PCDHA11: variants seen among roughly 807,000 people sequenced by gnomAD.
The protein encoded by PCDHA11 is protocadherin alpha-11.
In PCDHA11, 61 loss-of-function variants were observed where a neutral mutation model predicts 70.3. The observed-to-expected ratio is 0.87, with a 90% CI of 0.71 to 1.07. PCDHA11 has a LOEUF of 1.07. Ranked by LOEUF, PCDHA11 falls within the 50% of genes least tolerant of loss-of-function variation. The pLI, the probability that PCDHA11 is intolerant of heterozygous loss-of-function variation, is 0.00. For missense variants in PCDHA11, 1,324 were observed against 1,237.5 expected (o/e 1.07, Z -1.05); for synonymous variants, 633 against 555.1 (o/e 1.14, Z -1.97).
chr5:140,985,739 CTTTTTTTTT>C (rs11372071), intron 3 of PCDHA11, among the ~76,000 whole-genome samples: 4 of 117,922 alleles, frequency 3.4e-5, no homozygotes, highest in African/African-American at 3.2e-5. Flanking sequence ...TGATGAATTC[CTTTTTTTTT>C]TTTTTTTTTT....
intron 1 of PCDHA11, chr5:140,966,397 G>C (rs782390663): frequency 4.5e-5 from 18 of 404,120 alleles, no homozygotes; most frequent in Admixed American, 2.2e-4. Flanking sequence ...CCGCCACTTC[G>C]GCGCGGAATC....
At chr5:140,928,489 C>A in intron 1 of PCDHA11, 1 of 1,614,152 alleles carries the variant, frequency 6.2e-7, no homozygotes. Context: ...TGGTGGCATT[C>A]CTCCCAGAAG....
intron 1 of PCDHA11, chr5:140,875,770 G>A: frequency 1.2e-6 from 2 of 1,614,230 alleles, no homozygotes; most frequent in East Asian, 2.2e-5. Flanking sequence ...CGGGCGGAGC[G>A]CGGAGTGCAG....
chr5:140,876,954 G>T (rs1554169149), intron 1 of PCDHA11: 1 of 1,613,432 alleles, frequency 6.2e-7, no homozygotes, highest in Non-Finnish European at 8.5e-7. Context: ...CCTACTCGCT[G>T]GTGGAGCGGC....
At chr5:140,926,554 G>A (rs2083344574) in intron 1 of PCDHA11, 1 of 237,224 alleles carries the variant, frequency 4.2e-6, no homozygotes, top group Non-Finnish European at 8.0e-6. Context: ...CGAGACCCCA[G>A]CCCGCTGCTA....
chr5:141,005,666 C>T (rs1304126376), intron 3 of PCDHA11, among the ~76,000 whole-genome samples: 2 of 130,134 alleles, frequency 1.5e-5, no homozygotes, highest in Non-Finnish European at 3.1e-5. Context: ...CGCGCCACTG[C>T]ACTCCAGCCT....
At chr5:140,966,695 C>A in intron 1 of PCDHA11, 1 of 1,358,486 alleles carries the variant, frequency 7.4e-7, no homozygotes, top group Non-Finnish European at 9.5e-7. Flanking sequence ...AGGCGGGGCC[C>A]GGGCGTGGGG....
chr5:140,950,919 T>TCCACA (rs1554219687), intron 1 of PCDHA11, among the ~76,000 whole-genome samples: 4 of 152,198 alleles, frequency 2.6e-5, no homozygotes, highest in African/African-American at 9.6e-5. Context: ...TTTATTTCAG[T>TCCACA]TCTTTTTCTT....
At position 140,927,139 on chromosome 5, in the gene PCDHA11, C is replaced by G. The variant is rs782726149; in HGVS notation, c.2392-51810C>G. 6 of 1,613,928 alleles carry G rather than the reference C, an allele frequency of 3.7e-6. No homozygotes were observed. The Admixed American group carries it at 5.0e-5, about 13-fold the overall frequency. On this transcript the variant is annotated intron_variant, in intron 1 of 3. Coordinates refer to ENST00000398640, the MANE Select transcript of PCDHA11 (RefSeq NM_018902.5). Reference sequence around the variant, plus strand: ...TTTGGTGGTCAGAGAGCCGGCGGACCGCGAACAGCTGTGCAGGGCCAAAGC... The same window carrying G: ...TTTGGTGGTCAGAGAGCCGGCGGACGGCGAACAGCTGTGCAGGGCCAAAGC...
intron 3 of PCDHA11, among the ~76,000 whole-genome samples, chr5:141,008,567 T>C (rs1171779674): frequency 1.3e-5 from 2 of 152,182 alleles, no homozygotes; most frequent in African/African-American, 4.8e-5. Flanking sequence ...TGCATAATCA[T>C]TTTCCCAAGA....
chr5:140,915,957 T>G (rs1476969057), intron 1 of PCDHA11, among the ~76,000 whole-genome samples: 4 of 151,934 alleles, frequency 2.6e-5, no homozygotes, highest in African/African-American at 4.8e-5. Flanking sequence ...TACTTAGAAA[T>G]TTGCCTGATA....
chr5:140,944,743 T>A (rs1307968034), intron 1 of PCDHA11, among the ~76,000 whole-genome samples: 2 of 152,238 alleles, frequency 1.3e-5, no homozygotes, highest in East Asian at 3.8e-4. Flanking sequence ...TCTGAGCATT[T>A]ACATGGAAAA....
intron 1 of PCDHA11, chr5:140,876,598 G>T: frequency 6.2e-7 from 1 of 1,614,168 alleles, no homozygotes; most frequent in Non-Finnish European, 8.5e-7. Flanking sequence ...TAGCGTGTCG[G>T]ATCGTGACTC....
rs782761361 is a variant in PCDHA11, at chr5:140,927,794, C to T, written c.2392-51155C>T. 1.2e-5 allele frequency: 20 copies of T among 1,614,154 alleles called. No individual in the cohort carries two copies. In the South Asian group the frequency reaches 1.6e-4, roughly 13 times the overall value. Reference sequence around the variant, plus strand: ...GTGCAAGTAGCTGCTTCACTAGGTCCGCCTGAAACGCTCTTGGAGGCATAC... The same window carrying T: ...GTGCAAGTAGCTGCTTCACTAGGTCTGCCTGAAACGCTCTTGGAGGCATAC... On this transcript the variant is annotated intron_variant, in intron 1 of 3. Coordinates refer to ENST00000398640, the MANE Select transcript of PCDHA11 (RefSeq NM_018902.5).
In PCDHA11 at chr5:140,882,891, A is replaced by T. The variant is rs782750187; in HGVS notation, c.2391+11397A>T. 1 of 1,614,230 alleles carries T rather than the reference A, an allele frequency of 6.2e-7. No individual in the cohort carries two copies. The highest frequency in any genetic ancestry group is 8.5e-7 in the Non-Finnish European group (1 of 1,180,042). On this transcript the variant is annotated intron_variant, in intron 1 of 3. Transcript: ENST00000398640. ...CTGGACAGAGAGGAAATTCAGGAAC[A>T]TAGTTTATTACTGACAGCCAGTGAT...
Position 141,004,377 on chromosome 5 carries a change from C to T in PCDHA11, c.2540-5250C>T, listed in dbSNP as rs567018582. Among the ~76,000 whole-genome samples the T allele has an allele frequency of 3.9e-5, 6 of 152,294 alleles. No homozygotes were observed. The South Asian group carries it at 6.2e-4, about 16-fold the overall frequency. ...AGAGACCACACCTTGTTCTGCTCTG[C>T]GGAAGCTGGACATGTGGAGGAGGCA... On this transcript the variant is annotated intron_variant, in intron 3 of 3. Coordinates refer to ENST00000398640, the MANE Select transcript of PCDHA11 (RefSeq NM_018902.5).
At chr5:140,901,906 G>T (rs1275600408) in intron 1 of PCDHA11, among the ~76,000 whole-genome samples, 1 of 151,902 alleles carries the variant, frequency 6.6e-6, no homozygotes, top group Non-Finnish European at 1.5e-5. Context: ...TCATTGTGGA[G>T]ATCTTTCACT....
At chr5:140,878,562 T>C (rs2057643889) in intron 1 of PCDHA11, among the ~76,000 whole-genome samples, 1 of 152,210 alleles carries the variant, frequency 6.6e-6, no homozygotes, top group Non-Finnish European at 1.5e-5. Context: ...CCCAAACTTA[T>C]CATAGTATAC....
At chr5:140,948,903 CTTAGGTAACTGA>C (rs1213410342) in intron 1 of PCDHA11, among the ~76,000 whole-genome samples, 1 of 151,196 alleles carries the variant, frequency 6.6e-6, no homozygotes, top group Non-Finnish European at 1.5e-5. Context: ...TAAGTGGATT[CTTAGGTAACTGA>C]TTAGGTAACT....
Sources: allele counts gnomAD v4.1 joint callset (sites outside exome capture counted in the v4.1 genomes callset), GRCh38; gene constraint gnomAD v4.1.1; transcripts MANE v1.5; gene names NCBI Gene and HGNC (gene_info 2026-07-23, HGNC 2026-07-21).